Variants in KCNT2 observed in about 807,000 individuals in gnomAD.
KCNT2 encodes the protein potassium sodium-activated channel subfamily T member 2, also known as potassium channel subfamily T member 2.
Under a neutral mutation model 153.8 loss-of-function variants are expected in KCNT2, and 67 were observed. That is an observed-to-expected ratio of 0.44 (90% CI 0.36 to 0.53). KCNT2 has a LOEUF of 0.53. Among genes scored for constraint, KCNT2 ranks in the 20% least tolerant of loss-of-function variants. The pLI, the probability that KCNT2 is intolerant of heterozygous loss-of-function variation, is 0.00. For missense variants in KCNT2, 975 were observed against 1,354.8 expected (o/e 0.72, Z 4.40); for synonymous variants, 500 against 458.8 (o/e 1.09, Z -1.15).
intron 8 of KCNT2, among the ~76,000 whole-genome samples, chr1:196,446,047 G>A (rs941868967): frequency 1.3e-5 from 2 of 151,322 alleles, no homozygotes; most frequent in Admixed American, 6.6e-5. Context: ...TTAACCTAAC[G>A]GACATTGCTC....
chr1:196,522,929 A>T (rs780433998), intron 1 of KCNT2, among the ~76,000 whole-genome samples: 12 of 152,240 alleles, frequency 7.9e-5, no homozygotes, highest in South Asian at 4.1e-4. Context: ...GTGGGCAGGG[A>T]CAAATAAAGG....
chr1:196,261,008 T>C (rs1178439335), intron 25 of KCNT2, among the ~76,000 whole-genome samples: 1 of 151,782 alleles, frequency 6.6e-6, no homozygotes, highest in Non-Finnish European at 1.5e-5. Context: ...ACTCTATTTG[T>C]TGGATATTGA....
At chr1:196,400,411 T>A (rs1163378137) in intron 12 of KCNT2, among the ~76,000 whole-genome samples, 4 of 151,796 alleles carry the variant, frequency 2.6e-5, no homozygotes. Context: ...GCTTTATCCC[T>A]CAGTATCTAA....
intron 1 of KCNT2, among the ~76,000 whole-genome samples, chr1:196,529,789 T>TC (rs1654706457): frequency 6.6e-6 from 1 of 152,098 alleles, no homozygotes; most frequent in Non-Finnish European, 1.5e-5. Flanking sequence ...GTCATAATAT[T>TC]CCTCTCGGCT....
chr1:196,339,012 A>C (rs1437312542), intron 16 of KCNT2, among the ~76,000 whole-genome samples: 1 of 149,310 alleles, frequency 6.7e-6, no homozygotes, highest in Non-Finnish European at 1.5e-5. Context: ...ACTGAATGAG[A>C]GTGTAAGGAT....
chr1:196,305,916 C>T (rs926014466), intron 21 of KCNT2, among the ~76,000 whole-genome samples: 1 of 152,022 alleles, frequency 6.6e-6, no homozygotes, highest in East Asian at 1.9e-4. Flanking sequence ...CAAAAGTATC[C>T]TGAAATTTTT....
intron 1 of KCNT2, among the ~76,000 whole-genome samples, chr1:196,494,682 A>C (rs1008129358): frequency 6.6e-6 from 1 of 152,328 alleles, no homozygotes; most frequent in South Asian, 2.1e-4. Flanking sequence ...TAAAGCCTTA[A>C]CAAAAATAAT....
intron 23 of KCNT2, among the ~76,000 whole-genome samples, chr1:196,284,399 T>G (rs1659457286): frequency 6.7e-6 from 1 of 149,146 alleles, no homozygotes; most frequent in Non-Finnish European, 1.5e-5. Context: ...TTTCCATTTC[T>G]ATAGAACAGT....
Position 196,241,493 on chromosome 1 carries a change from G to C in KCNT2, c.3212-5423C>G, listed in dbSNP as rs1654957228. Among the ~76,000 whole-genome samples the C allele has an allele frequency of 2.0e-5, 3 of 151,980 alleles. No homozygotes were observed. The South Asian group carries it at 6.2e-4, about 32-fold the overall frequency. On this transcript the variant is annotated intron_variant, in intron 26 of 27. Transcript: ENST00000294725. ...CCAGTATATTTGGAGGGTGTGAAAG[G>C]TGCTTAGAGATAAGAACTAAAGAAG...
chr1:196,305,846 T>C (rs1329196075), intron 21 of KCNT2, among the ~76,000 whole-genome samples: 1 of 152,124 alleles, frequency 6.6e-6, no homozygotes, highest in African/African-American at 2.4e-5. Context: ...GAGGAAATAA[T>C]TTATGTAAAA....
intron 3 of KCNT2, among the ~76,000 whole-genome samples, chr1:196,483,651 C>T (rs1486675878): frequency 2.0e-5 from 3 of 152,046 alleles, no homozygotes; most frequent in Non-Finnish European, 4.4e-5. Flanking sequence ...CAGGGAAACC[C>T]TCTCTGAGGA....
At chr1:196,234,521 C>T (rs1654247853) in intron 27 of KCNT2, among the ~76,000 whole-genome samples, 1 of 151,134 alleles carries the variant, frequency 6.6e-6, no homozygotes, top group Admixed American at 6.6e-5. Context: ...GTTTCTCTAA[C>T]ACCTGCTTTT....
intron 23 of KCNT2, 38 bp downstream of exon 23, chr1:196,285,616 AAAC>A (rs1172006584): frequency 7.9e-7 from 1 of 1,270,228 alleles, no homozygotes. Context: ...CTAAAACAGA[AAAC>A]AACCATTTTA....
chr1:196,500,014 C>T (rs1024282916), intron 1 of KCNT2, among the ~76,000 whole-genome samples: 2 of 151,706 alleles, frequency 1.3e-5, no homozygotes, highest in Non-Finnish European at 2.9e-5. Flanking sequence ...TGTGCTGGTG[C>T]ATGCCTGTAA....
chr1:196,487,440 A>ATG (rs1679521190), intron 3 of KCNT2, among the ~76,000 whole-genome samples: 1 of 63,310 alleles, frequency 1.6e-5, no homozygotes, highest in Admixed American at 2.0e-4. Context: ...GTGTGTATGT[A>ATG]TGTGTCTGTG....
intron 1 of KCNT2, among the ~76,000 whole-genome samples, chr1:196,555,168 G>T (rs1658475221): frequency 6.6e-6 from 1 of 151,144 alleles, no homozygotes; most frequent in African/African-American, 2.4e-5. Flanking sequence ...GAAATAAAGG[G>T]CATCCAAATT....
intron 13 of KCNT2, among the ~76,000 whole-genome samples, chr1:196,382,114 T>TA (rs71154740): frequency 6.6e-6 from 1 of 151,742 alleles, no homozygotes; most frequent in Non-Finnish European, 1.5e-5. Flanking sequence ...TTTATTTATT[T>TA]TTGAGATGGA....
At chr1:196,457,120 A>G (rs1676741741) in intron 8 of KCNT2, among the ~76,000 whole-genome samples, 1 of 151,890 alleles carries the variant, frequency 6.6e-6, no homozygotes, top group African/African-American at 2.4e-5. Flanking sequence ...TACTTTCTCA[A>G]GGCTGTCTGA....
chr1:196,443,109 T>C (rs1442163794), intron 8 of KCNT2, among the ~76,000 whole-genome samples: 1 of 151,528 alleles, frequency 6.6e-6, no homozygotes, highest in Non-Finnish European at 1.5e-5. Context: ...GCAGGAAGTG[T>C]TAAGAATGCC....
Sources: gnomAD v4.1 joint callset for allele counts (sites outside exome capture counted in the v4.1 genomes callset) on GRCh38, gnomAD v4.1.1 for gene constraint, MANE v1.5 for transcripts, NCBI Gene and HGNC (gene_info 2026-07-23, HGNC 2026-07-21) for gene names.